RBM20: variants seen among roughly 807,000 people sequenced by gnomAD.
RBM20 encodes the protein RNA-binding protein 20.
A neutral mutation model predicts 110.1 loss-of-function variants in RBM20; 51 were observed. That is an observed-to-expected ratio of 0.46 (90% CI 0.37 to 0.59). The LOEUF (loss-of-function observed/expected upper bound fraction) is 0.59, where lower values mean the gene tolerates loss of function less well. Among genes scored for constraint, RBM20 ranks in the 20% least tolerant of loss-of-function variants. RBM20 has a pLI of 0.00. For missense variants in RBM20, 1,512 were observed against 1,574.9 expected, an observed-to-expected ratio of 0.96 and a Z score of 0.68; for synonymous variants, 589 against 618.2, an observed-to-expected ratio of 0.95 and a Z score of 0.70.
At chr10:110,747,073 T>C (rs571788528) in intron 1 of RBM20, among the ~76,000 whole-genome samples, 124 of 152,330 alleles carry the variant, frequency 8.1e-4, no homozygotes, top group African/African-American at 2.8e-3. Flanking sequence ...GTTTTGATCA[T>C]GTAATATAGT....
intron 5 of RBM20, among the ~76,000 whole-genome samples, chr10:110,791,659 C>A (rs138349179): frequency 6.6e-6 from 1 of 152,300 alleles, no homozygotes; most frequent in African/African-American, 2.4e-5. Context: ...GCCATATGAA[C>A]GATCAGGAGC....
intron 1 of RBM20, among the ~76,000 whole-genome samples, chr10:110,706,379 G>A (rs1862839239): frequency 6.6e-6 from 1 of 152,210 alleles, no homozygotes; most frequent in South Asian, 2.1e-4. Flanking sequence ...TCTCCACCTG[G>A]AATGGGCAAT....
rs150855486 is a variant in RBM20 at position 110,835,146 on chromosome 10, C to T, written c.3574-722C>T. The T allele has an allele frequency of 1.0e-3, 152 of 152,290 alleles. 1 individual carries two copies. The highest frequency in any genetic ancestry group is 3.5e-3 in the African/African-American group (145 of 41,552). The allele number at this position is 152,290 out of a possible 1,614,324, so 9.4% of individuals were successfully genotyped here. ...CTGCCTTCCAGCTTCCCTCCCTCTG[C>T]CTTTTAAGCATAGATATGTTGCCTA... is the stretch of plus-strand genomic sequence containing the variant. On this transcript the variant is annotated intron_variant, in intron 13 of 13. Coordinates refer to ENST00000369519, the MANE Select transcript of RBM20 (RefSeq NM_001134363.3).
intron 6 of RBM20, among the ~76,000 whole-genome samples, chr10:110,798,776 C>T (rs1344987039): frequency 6.6e-6 from 1 of 152,164 alleles, no homozygotes; most frequent in Non-Finnish European, 1.5e-5. Context: ...GAGTCAGGGG[C>T]TCACAGTGAG....
intron 1 of RBM20, among the ~76,000 whole-genome samples, chr10:110,755,116 C>T (rs1279325386): frequency 6.6e-6 from 1 of 152,132 alleles, no homozygotes; most frequent in Non-Finnish European, 1.5e-5. Context: ...TACTTCCTCT[C>T]TTGCTTTGCT....
intron 6 of RBM20, among the ~76,000 whole-genome samples, chr10:110,798,800 C>T (rs117325635): frequency 0.012 from 1,862 of 152,292 alleles, 23 homozygotes; most frequent in Middle Eastern, 0.031. Context: ...TTCCCTGTCA[C>T]CGACCCCTTT....
At chr10:110,683,923 A>C (rs72834047) in intron 1 of RBM20, among the ~76,000 whole-genome samples, 14,726 of 152,270 alleles carry the variant, frequency 0.097, 827 homozygotes, top group Non-Finnish European at 0.11. Flanking sequence ...AGATAATGGA[A>C]GAAAAAGAAA....
intron 1 of RBM20, among the ~76,000 whole-genome samples, chr10:110,659,715 T>C (rs1053268084): frequency 2.7e-4 from 41 of 152,108 alleles, no homozygotes; most frequent in African/African-American, 8.9e-4. Context: ...TCTGTTCTTT[T>C]TTTTCTTTTC....
At chr10:110,819,375 C>CA (rs1422655607) in intron 9 of RBM20, among the ~76,000 whole-genome samples, 2 of 152,218 alleles carry the variant, frequency 1.3e-5, no homozygotes, top group Non-Finnish European at 2.9e-5. Flanking sequence ...ACAAGCTATA[C>CA]AAAAACAGGC....
chr10:110,657,661 G>A (rs777588461), intron 1 of RBM20, among the ~76,000 whole-genome samples: 1 of 152,050 alleles, frequency 6.6e-6, no homozygotes, highest in Non-Finnish European at 1.5e-5. Context: ...AAAACTTTGG[G>A]CCTTTTACTT....
intron 1 of RBM20, among the ~76,000 whole-genome samples, chr10:110,663,028 G>A (rs900290781): frequency 2.0e-5 from 3 of 151,726 alleles, no homozygotes; most frequent in South Asian, 2.1e-4. Context: ...TCAATGGCAC[G>A]ATTTTGTCTC....
At position 110,716,789 on chromosome 10, in the gene RBM20, C is replaced by T. The variant is rs1031145835; in HGVS notation, c.192-64012C>T. 4.6e-5 allele frequency among the ~76,000 whole-genome samples: 7 copies of T among 151,612 alleles called. No individual in the cohort carries two copies. In the South Asian group the frequency reaches 8.4e-4, roughly 18 times the overall value. ...AAAATTAGCCAGGTGTGGTGGTGGG[C>T]GCCTGTAGTCCCAGCTACTTGAGAG... On this transcript the variant is annotated intron_variant, in intron 1 of 13. Coordinates refer to ENST00000369519, the MANE Select transcript of RBM20 (RefSeq NM_001134363.3).
intron 1 of RBM20, among the ~76,000 whole-genome samples, chr10:110,659,987 T>G (rs1862079513): frequency 6.6e-6 from 1 of 152,062 alleles, no homozygotes; most frequent in African/African-American, 2.4e-5. Context: ...CTAATTTTTT[T>G]TGTATTTTTT....
rs1481872012 is a variant in RBM20 at position 110,799,834 on chromosome 10, G to T, written c.1716G>T (p.Gln572His). ...AYTEAAQAMV[Q>H]YYQEKSAVIN... ...CAGAAGCTGCACAGGCCATGGTCCA[G>T]TATTATCAAGAAAAATCTGCTGTGA... The change falls in exon 7 of 14, where the codon CAG (glutamine) becomes CAT (histidine). Residue 572 changes from glutamine (Q) to histidine (H), a missense_variant. Gln to His is a conservative substitution (Grantham distance 24). Transcript: ENST00000369519. 6.4e-7 allele frequency: 1 copy of T among 1,551,774 alleles called. No individual in the cohort carries two copies. Among genetic ancestry groups the T allele is most frequent in the South Asian group, 1.2e-5 (1 of 84,060 alleles).
At chr10:110,679,489 G>GT (rs1862390027) in intron 1 of RBM20, among the ~76,000 whole-genome samples, 1 of 152,146 alleles carries the variant, frequency 6.6e-6, no homozygotes, top group African/African-American at 2.4e-5. Flanking sequence ...CTAAAGCACT[G>GT]GGATTAGAGG....
chr10:110,820,317 G>A (rs1416927834), intron 10 of RBM20, 141 bp downstream of exon 10: 6 of 588,726 alleles, frequency 1.0e-5, no homozygotes, highest in Non-Finnish European at 1.8e-5. Context: ...TCCTCCTAGC[G>A]CTACTTTGGA....
intron 1 of RBM20, among the ~76,000 whole-genome samples, chr10:110,696,831 A>G (rs191040005): frequency 4.5e-4 from 69 of 152,326 alleles, no homozygotes; most frequent in African/African-American, 1.5e-3. Context: ...GTTACTAGAT[A>G]TAGTAAAGTC....
chr10:110,727,701 G>A (rs1219652635), intron 1 of RBM20, among the ~76,000 whole-genome samples: 1 of 152,084 alleles, frequency 6.6e-6, no homozygotes, highest in Admixed American at 6.6e-5. Flanking sequence ...TGTTACATAG[G>A]TATACATGTG....
intron 1 of RBM20, among the ~76,000 whole-genome samples, chr10:110,684,284 C>T (rs1322709496): frequency 6.6e-6 from 1 of 152,130 alleles, no homozygotes; most frequent in African/African-American, 2.4e-5. Flanking sequence ...AGTCCCACTA[C>T]TCAGGAGGCT....
Sources: allele counts gnomAD v4.1 joint callset (sites outside exome capture counted in the v4.1 genomes callset), GRCh38; gene constraint gnomAD v4.1.1; transcripts MANE v1.5; gene names NCBI Gene and HGNC (gene_info 2026-07-23, HGNC 2026-07-21).